Variants in ZFX observed in about 807,000 individuals in gnomAD.
The protein encoded by ZFX is zinc finger protein X-linked, also known as zinc finger X-chromosomal protein.
For synonymous variants in ZFX, 196 were observed against 226.8 expected (o/e 0.86, Z 1.22); for missense variants, 362 against 628.3 (o/e 0.58, Z 4.53).
intron 5 of ZFX, among the ~76,000 whole-genome samples, chrX:24,181,116 CATT>C (rs1935649449): frequency 8.9e-6 from 1 of 112,423 alleles, no homozygotes; most frequent in Admixed American, 9.5e-5. Context: ...TTTAATATAA[CATT>C]AATATACTGG....
At chrX:24,188,546 A>G (rs1002594661) in intron 5 of ZFX, among the ~76,000 whole-genome samples, 1 of 111,126 alleles carries the variant, frequency 9.0e-6, no homozygotes, top group Non-Finnish European at 1.9e-5. Context: ...TTTGGGTGCT[A>G]ATAATGTCTG....
chrX:24,154,939 C>T (rs987701023), intron 3 of ZFX, among the ~76,000 whole-genome samples: 2 of 110,480 alleles, frequency 1.8e-5, no homozygotes, highest in African/African-American at 6.6e-5. Flanking sequence ...AACTGATGAA[C>T]ACAAAGAAGG....
At position 24,171,854 on chromosome X, in the gene ZFX, A is replaced by C. The variant is rs191027733; in HGVS notation, c.-28-861A>C. Among the ~76,000 whole-genome samples the C allele has an allele frequency of 2.7e-5, 3 of 109,871 alleles. No homozygotes were observed. In the East Asian group the frequency reaches 8.6e-4, roughly 31 times the overall value. On this transcript the variant is annotated intron_variant, in intron 3 of 9. Transcript: ENST00000304543. Reference sequence around the variant, plus strand: ...CACTCACAGTCTAAGCCAGAGTTGCAAAATGACTTTTCTCAGCTCTTATGT... The same window carrying C: ...CACTCACAGTCTAAGCCAGAGTTGCCAAATGACTTTTCTCAGCTCTTATGT...
At chrX:24,149,444 G>A (rs1158880357), upstream of ZFX, 3 of 111,389 alleles carry the variant, frequency 2.7e-5, no homozygotes, top group South Asian at 6.0e-4. Context: ...GAAAGAAGGG[G>A]GGCGCTGTCA....
chrX:24,204,538 A>T (rs751086638), intron 5 of ZFX, among the ~76,000 whole-genome samples: 1 of 112,202 alleles, frequency 8.9e-6, no homozygotes, highest in East Asian at 2.8e-4. Flanking sequence ...AACCACCACC[A>T]CCTAGCCTTG....
chrX:24,155,250 G>A (rs1408148002), intron 3 of ZFX, among the ~76,000 whole-genome samples: 2 of 112,161 alleles, frequency 1.8e-5, no homozygotes, highest in African/African-American at 6.5e-5. Flanking sequence ...AACATCTATA[G>A]ATACGACCCA....
intron 5 of ZFX, among the ~76,000 whole-genome samples, chrX:24,192,859 A>G (rs1936631154): frequency 9.3e-6 from 1 of 107,441 alleles, no homozygotes; most frequent in East Asian, 2.9e-4. Context: ...TGTGCACTGC[A>G]TTCCAGCCCG....
chrX:24,177,231 CTTCTT>C (rs1219857565), intron 4 of ZFX, among the ~76,000 whole-genome samples: 1 of 112,295 alleles, frequency 8.9e-6, no homozygotes, highest in African/African-American at 3.2e-5. Context: ...TGTGCCCAGC[CTTCTT>C]TTATTTTATT....
At position 24,207,689 on chromosome X, in the gene ZFX, C is replaced by T. The variant is rs754228576; in HGVS notation, c.797-23C>T. 4.2e-5 allele frequency: 50 copies of T among 1,194,690 alleles called. No individual in the cohort carries two copies. The South Asian group carries it at 9.0e-4, about 21-fold the overall frequency. On this transcript the variant is annotated intron_variant, in intron 6 of 9. Coordinates refer to ENST00000304543, the MANE Select transcript of ZFX (RefSeq NM_003410.4). ...GCAGTTTTCAAATAAATTATTGAAG[C>T]TGTCTTCTTCCCTGATTGATAGGTG...
intron 5 of ZFX, among the ~76,000 whole-genome samples, chrX:24,189,885 T>G (rs1277241658): frequency 9.0e-6 from 1 of 111,684 alleles, no homozygotes; most frequent in Non-Finnish European, 1.9e-5. Flanking sequence ...TAGGTATGTA[T>G]TTTATTATTT....
Position 24,211,288 on chromosome X carries a change from G to A in ZFX, c.2330G>A (p.Arg777Gln). 1.7e-6 allele frequency: 2 copies of A among 1,211,905 alleles called. No homozygotes were observed. The highest frequency in any genetic ancestry group is 2.2e-6 in the Non-Finnish European group (2 of 895,573). The change falls in exon 10 of 10, where the codon CGG becomes CAG. Residue 777 changes from arginine to glutamine, a missense_variant. Coordinates refer to ENST00000304543, the MANE Select transcript of ZFX (RefSeq NM_003410.4). ...ATTCACACGAAAGACTATCCTCACC[G>A]GTGTGAGTACTGCAAGAAAGGCTTC... Reference protein sequence around the residue: ...ISIHTKDYPHRCEYCKKGFRR... With the variant: ...ISIHTKDYPHQCEYCKKGFRR...
intron 4 of ZFX, among the ~76,000 whole-genome samples, chrX:24,177,260 A>G (rs1161020529): frequency 1.8e-5 from 2 of 112,059 alleles, no homozygotes; most frequent in African/African-American, 3.2e-5. Context: ...TATTTTTGAT[A>G]AGGATATTTG....
chrX:24,171,900 GAGA>G (rs1186613412), intron 3 of ZFX, among the ~76,000 whole-genome samples: 1 of 61,489 alleles, frequency 1.6e-5, no homozygotes, highest in Non-Finnish European at 2.8e-5. Flanking sequence ...AGGACAGAGA[GAGA>G]AGGAGAGAGA....
intron 5 of ZFX, among the ~76,000 whole-genome samples, chrX:24,183,905 C>G (rs952604004): frequency 9.1e-6 from 1 of 109,480 alleles, no homozygotes; most frequent in Non-Finnish European, 1.9e-5. Context: ...TAGGCACGTG[C>G]CACCATGCCC....
chrX:24,165,995 A>G (rs1933964730), intron 3 of ZFX, among the ~76,000 whole-genome samples: 1 of 112,728 alleles, frequency 8.9e-6, no homozygotes, highest in East Asian at 2.8e-4. Context: ...ATTAAATGGC[A>G]GTACTTTATT....
intron 9 of ZFX, among the ~76,000 whole-genome samples, chrX:24,209,514 A>G (rs933792366): frequency 8.9e-6 from 1 of 112,152 alleles, no homozygotes; most frequent in African/African-American, 3.2e-5. Flanking sequence ...GTTTTTTGGA[A>G]TAAACAGTGG....
intron 5 of ZFX, among the ~76,000 whole-genome samples, chrX:24,201,757 C>T (rs1345768264): frequency 8.9e-6 from 1 of 112,063 alleles, no homozygotes; most frequent in Non-Finnish European, 1.9e-5. Flanking sequence ...CATATCAGTC[C>T]AGAAGTAAGA....
At chrX:24,204,436 T>G (rs776549332) in intron 5 of ZFX, among the ~76,000 whole-genome samples, 1 of 112,071 alleles carries the variant, frequency 8.9e-6, no homozygotes, top group East Asian at 2.8e-4. Flanking sequence ...GAAGTATCAT[T>G]TCAAAGACGT....
chrX:24,199,096 A>G (rs997058579), intron 5 of ZFX, among the ~76,000 whole-genome samples: 5 of 111,074 alleles, frequency 4.5e-5, no homozygotes, highest in African/African-American at 1.6e-4. Flanking sequence ...GGAAACCAAG[A>G]GGTTGGGTCA....
Sources: gnomAD v4.1 joint callset for allele counts (sites outside exome capture counted in the v4.1 genomes callset) on GRCh38, gnomAD v4.1.1 for gene constraint, MANE v1.5 for transcripts, NCBI Gene and HGNC (gene_info 2026-07-23, HGNC 2026-07-21) for gene names.